Variants in SMARCA2 observed in about 807,000 individuals in gnomAD.
SMARCA2 encodes SWI/SNF-related matrix-associated actin-dependent regulator of chromatin subfamily A member 2.
A neutral mutation model predicts 199.8 loss-of-function variants in SMARCA2; 61 were observed. The ratio of observed to expected loss-of-function variants is 0.31; its 90% CI spans 0.25 to 0.38. SMARCA2 has a LOEUF of 0.38. Ranked by LOEUF, SMARCA2 falls within the 10% of genes least tolerant of loss-of-function variation. The pLI is 1.00. For synonymous variants in SMARCA2, 935 were observed against 732.0 expected (o/e 1.28, Z -4.48); for missense variants, 1,344 against 2,012.2 (o/e 0.67, Z 6.35).
chr9:2,066,873 C>G (rs1416976222), intron 9 of SMARCA2, among the ~76,000 whole-genome samples: 1 of 152,182 alleles, frequency 6.6e-6, no homozygotes, highest in African/African-American at 2.4e-5. Flanking sequence ...TCAGCTCAAA[C>G]AGTAGACCAA....
intron 1 of SMARCA2, among the ~76,000 whole-genome samples, chr9:2,026,355 A>G (rs1371110677): frequency 2.6e-5 from 4 of 152,156 alleles, no homozygotes; most frequent in African/African-American, 9.7e-5. Context: ...TAACATTCCA[A>G]TTATATGCCC....
At position 2,118,754 on chromosome 9, in the gene SMARCA2, C is replaced by A. The variant is rs367934656; in HGVS notation, c.3685-704C>A. ...AGAGAGATAATGTACCTTTGTTTGA[C>A]GTAATATAAAATGAAAATTTTAGCC... On this transcript the variant is annotated intron_variant, in intron 25 of 33. Coordinates refer to ENST00000349721, the MANE Select transcript of SMARCA2 (RefSeq NM_003070.5). 1.6e-4 allele frequency among the ~76,000 whole-genome samples: 25 copies of A among 152,220 alleles called. No individual in the cohort carries two copies. The South Asian group carries it at 4.4e-3, about 27-fold the overall frequency.
chr9:2,051,759 T>C (rs1270169536), intron 5 of SMARCA2, among the ~76,000 whole-genome samples: 1 of 152,224 alleles, frequency 6.6e-6, no homozygotes, highest in Admixed American at 6.5e-5. Context: ...CTCACGCCAC[T>C]ATAATACTTA....
intron 29 of SMARCA2, among the ~76,000 whole-genome samples, chr9:2,177,795 G>T (rs1826720601): frequency 6.6e-6 from 1 of 152,028 alleles, no homozygotes; most frequent in African/African-American, 2.4e-5. Flanking sequence ...CAGGTGATCG[G>T]CCCGCCTCTG....
intron 24 of SMARCA2, among the ~76,000 whole-genome samples, chr9:2,111,582 G>A (rs375277543): frequency 1.3e-5 from 2 of 151,560 alleles, no homozygotes; most frequent in Non-Finnish European, 2.9e-5. Flanking sequence ...TAGGCTCCTC[G>A]TTGAGCCCTG....
At chr9:2,144,872 A>G (rs144918237) in intron 27 of SMARCA2, among the ~76,000 whole-genome samples, 1 of 152,230 alleles carries the variant, frequency 6.6e-6, no homozygotes, top group Non-Finnish European at 1.5e-5. Flanking sequence ...ATCCAGACTT[A>G]GTGGTGCCTG....
chr9:2,124,073 GATAAAGTCATTCTGCTGTTGC>G, intron 27 of SMARCA2, 136 bp downstream of exon 27: 1 of 720,074 alleles, frequency 1.4e-6, no homozygotes. Flanking sequence ...GAACACAGAA[GATAAAGTCATTCTGCTGTTGC>G]ATAAAGTCAT....
At chr9:2,187,411 A>G (rs544468910) in intron 32 of SMARCA2, among the ~76,000 whole-genome samples, 123 of 152,246 alleles carry the variant, frequency 8.1e-4, no homozygotes, top group South Asian at 3.5e-3. Context: ...TTGGCTCACA[A>G]ATATAATCCG....
chr9:2,160,659 AG>A, intron 27 of SMARCA2: 1 of 698,396 alleles, frequency 1.4e-6, no homozygotes, highest in Non-Finnish European at 2.6e-6. Flanking sequence ...GCTACGAGAA[AG>A]GATTGATTAT....
intron 27 of SMARCA2, chr9:2,159,024 A>G (rs1825525748): frequency 1.2e-6 from 2 of 1,606,530 alleles, no homozygotes; most frequent in Non-Finnish European, 1.7e-6. Context: ...CCTAAATTTA[A>G]TAAGAATCTG....
chr9:2,025,929 G>T (rs941552374), intron 1 of SMARCA2, among the ~76,000 whole-genome samples: 1 of 152,150 alleles, frequency 6.6e-6, no homozygotes, highest in Non-Finnish European at 1.5e-5. Context: ...TTTTGCCTTG[G>T]AAGTCCATTA....
At chr9:2,125,525 T>G (rs2130632571) in intron 27 of SMARCA2, among the ~76,000 whole-genome samples, 1 of 149,232 alleles carries the variant, frequency 6.7e-6, no homozygotes, top group Non-Finnish European at 1.5e-5. Context: ...AGTCTCTCTC[T>G]GTCACTGAGG....
chr9:2,084,713 T>C (rs1322648972), intron 17 of SMARCA2, among the ~76,000 whole-genome samples: 5 of 152,138 alleles, frequency 3.3e-5, no homozygotes, highest in African/African-American at 7.2e-5. Context: ...TTTTTCCTGG[T>C]GAAATAATAG....
chr9:2,029,272 A>C (rs763390066), intron 2 of SMARCA2, 25 bp downstream of exon 2: 3 of 1,592,046 alleles, frequency 1.9e-6, no homozygotes, highest in Non-Finnish European at 1.7e-6. Flanking sequence ...TCCCATTCAA[A>C]CTCAACTTCT....
At chr9:2,020,526 C>G (rs1818553663) in intron 1 of SMARCA2, among the ~76,000 whole-genome samples, 2 of 152,078 alleles carry the variant, frequency 1.3e-5, no homozygotes, top group Non-Finnish European at 2.9e-5. Flanking sequence ...GAGTCTAAAA[C>G]TATGTTCTGC....
At chr9:2,179,180 G>T (rs185234775) in intron 29 of SMARCA2, among the ~76,000 whole-genome samples, 1 of 152,236 alleles carries the variant, frequency 6.6e-6, no homozygotes, top group East Asian at 1.9e-4. Context: ...GAAAGTTGGG[G>T]GTACACAGTA....
In SMARCA2 at chr9:2,054,209, G is replaced by A. The variant is rs1348181195; in HGVS notation, c.1047-388G>A. On this transcript the variant is annotated intron_variant, in intron 5 of 33. Transcript: ENST00000349721. ...AGAACTAGAAGTTCGGAAGAAAAAA[G>A]TCTGTGCTCTCAGCTCTGCATTCTG... Among the ~76,000 whole-genome samples, 3 of 152,198 alleles carry A rather than the reference G, an allele frequency of 2.0e-5. No individual in the cohort carries two copies. The East Asian group carries it at 5.8e-4, about 29-fold the overall frequency.
chr9:2,056,900 T>C lies in SMARCA2; in HGVS notation c.1347+55T>C, dbSNP rs1169663110. On this transcript the variant is annotated intron_variant, in intron 7 of 33. Coordinates refer to ENST00000349721, the MANE Select transcript of SMARCA2 (RefSeq NM_003070.5). The surrounding 1 kb of genome is among the most constrained non-coding windows in gnomAD (Gnocchi z 4.0). The stretch of plus-strand genomic sequence containing the variant: ...CACTTTGGCAGAGCTGTCCAATGAA[T>C]TCATCAAATGGGGTCAGAATGACTG... 8 of 1,527,102 alleles carry C rather than the reference T, an allele frequency of 5.2e-6. No individual in the cohort carries two copies. The highest frequency in any genetic ancestry group is 1.7e-4 in the Middle Eastern group (1 of 5,810). The allele number at this position is 1,527,102 out of a possible 1,614,324, so 94.6% of individuals were successfully genotyped here.
At chr9:2,035,652 T>C (rs1819297944) in intron 3 of SMARCA2, among the ~76,000 whole-genome samples, 1 of 152,124 alleles carries the variant, frequency 6.6e-6, no homozygotes, top group South Asian at 2.1e-4. Context: ...TTTTGTTCAA[T>C]TAGGTGTGGA....
Sources: allele counts gnomAD v4.1 joint callset (sites outside exome capture counted in the v4.1 genomes callset), GRCh38; gene constraint gnomAD v4.1.1; non-coding constraint Gnocchi (gnomAD v3.1); transcripts MANE v1.5; gene names NCBI Gene and HGNC (gene_info 2026-07-23, HGNC 2026-07-21).